Variants in POLR2B observed in about 807,000 individuals in gnomAD.
POLR2B encodes RNA polymerase II subunit B, also known as DNA-directed RNA polymerase II subunit RPB2.
A neutral mutation model predicts 144.6 loss-of-function variants in POLR2B; 57 were observed. That is an observed-to-expected ratio of 0.39 (90% CI 0.32 to 0.49). POLR2B has a LOEUF of 0.49. Ranked by LOEUF, POLR2B falls within the 20% of genes least tolerant of loss-of-function variation. The probability of loss-of-function intolerance (pLI) is 0.83; values close to 1 mark genes in which losing one functional copy is unlikely to be tolerated. For missense variants in POLR2B, 595 were observed against 1,467.4 expected, an observed-to-expected ratio of 0.41 and a Z score of 9.71; for synonymous variants, 442 against 469.8, an observed-to-expected ratio of 0.94 and a Z score of 0.77.
chr4:56,999,478 G>A, intron 6 of POLR2B, 139 bp from the exon 7 acceptor site: 2 of 485,380 alleles, frequency 4.1e-6, no homozygotes, highest in Non-Finnish European at 3.5e-6. Flanking sequence ...AGTCATAGGA[G>A]GTTCCTCACA....
At chr4:57,020,796 A>G (rs549065418) in intron 16 of POLR2B, 103 bp from the exon 17 acceptor site, 2 of 766,936 alleles carry the variant, frequency 2.6e-6, no homozygotes, top group East Asian at 5.0e-5. Flanking sequence ...CAAACACCCA[A>G]GCATTTATGG....
Position 57,020,919 on chromosome 4 carries a change from A to T in POLR2B, c.2344A>T (p.Ile782Phe). ...LPAGINSIVA[I>F]ASYTGYNQED... ...TGCAGGCATCAACTCAATTGTGGCC[A>T]TTGCATCATACACTGGATATAATCA... The change falls in exon 17 of 25, where the codon ATT (isoleucine) becomes TTT (phenylalanine). Residue 782 changes from isoleucine to phenylalanine, a missense_variant. This residue lies in a region of POLR2B where 39 missense variants were observed against 174.3 expected (regional missense o/e 0.22). Coordinates refer to ENST00000314595, the MANE Select transcript of POLR2B (RefSeq NM_000938.3). 6.3e-7 allele frequency: 1 copy of T among 1,596,056 alleles called. No individual in the cohort carries two copies. The highest frequency in any genetic ancestry group is 8.6e-7 in the Non-Finnish European group (1 of 1,163,446).
chr4:56,979,028 G>A, intron 1 of POLR2B, 24 bp downstream of exon 1: 1 of 1,611,484 alleles, frequency 6.2e-7, no homozygotes. Context: ...CAAAACACAC[G>A]CCGTGGCGGT....
chr4:56,988,348 CA>C (rs1408173034), intron 2 of POLR2B, among the ~76,000 whole-genome samples: 2 of 151,932 alleles, frequency 1.3e-5, no homozygotes, highest in Non-Finnish European at 2.9e-5. Context: ...GGCCCCTGGC[CA>C]CAGGTAGAAT....
At chr4:56,984,371 CATAATAG>C (rs749677589) in intron 1 of POLR2B, among the ~76,000 whole-genome samples, 89 of 151,776 alleles carry the variant, frequency 5.9e-4, no homozygotes, top group Non-Finnish European at 1.1e-3. Flanking sequence ...TTTATTGACA[CATAATAG>C]ATACACATTT....
At chr4:57,027,275 C>T (rs1393944450) in intron 23 of POLR2B, among the ~76,000 whole-genome samples, 1 of 152,128 alleles carries the variant, frequency 6.6e-6, no homozygotes, top group Non-Finnish European at 1.5e-5. Flanking sequence ...TTCCAAATTG[C>T]TGGGATTACA....
At chr4:57,025,661 A>C in intron 23 of POLR2B, 124 bp downstream of exon 23, 2 of 617,256 alleles carry the variant, frequency 3.2e-6, no homozygotes, top group Non-Finnish European at 2.9e-6. Flanking sequence ...TTCAACAATT[A>C]TCGACTGATG....
intron 13 of POLR2B, among the ~76,000 whole-genome samples, chr4:57,012,561 T>C (rs868441321): frequency 1.3e-5 from 2 of 152,214 alleles, no homozygotes; most frequent in African/African-American, 4.8e-5. Flanking sequence ...TGAGAGAAAC[T>C]GAACACGCTT....
chr4:56,979,451 G>A (rs910284593), intron 1 of POLR2B, among the ~76,000 whole-genome samples: 3 of 149,012 alleles, frequency 2.0e-5, no homozygotes, highest in Non-Finnish European at 3.0e-5. Context: ...CGGGGGGTGG[G>A]GGTGGCGGGG....
chr4:56,981,339 C>T (rs927031327), intron 1 of POLR2B, among the ~76,000 whole-genome samples: 1 of 150,532 alleles, frequency 6.6e-6, no homozygotes, highest in African/African-American at 2.5e-5. Flanking sequence ...CGGTTTATTT[C>T]TAGTCATTTT....
At chr4:57,027,556 C>G (rs987845513) in intron 23 of POLR2B, among the ~76,000 whole-genome samples, 4 of 152,186 alleles carry the variant, frequency 2.6e-5, no homozygotes, top group African/African-American at 9.6e-5. Context: ...ATCCACCTGT[C>G]TGCCTTGGCC....
In POLR2B at chr4:57,024,879, T is replaced by C; in HGVS notation, c.2965-7T>C. On this transcript the variant is annotated splice_region_variant and splice_polypyrimidine_tract_variant and intron_variant, in intron 21 of 24. Transcript: ENST00000314595. ...AACATTTTAAAGAGTACTTTTTTTTTTAAAAGGTATCGGCTAACAAGGGTG... is the reference window on the plus strand; with the variant it reads ...AACATTTTAAAGAGTACTTTTTTTTCTAAAAGGTATCGGCTAACAAGGGTG... 1 of 1,470,058 alleles carries C rather than the reference T, an allele frequency of 6.8e-7. No individual in the cohort carries two copies. Among genetic ancestry groups the C allele is most frequent in the Non-Finnish European group, 9.4e-7 (1 of 1,060,718 alleles). 91.1% of individuals were successfully genotyped at this position (1,470,058 alleles called of 1,614,324 possible).
chr4:57,007,081 T>G lies in POLR2B; in HGVS notation c.1404+79T>G, dbSNP rs1240581539. ...AGTAGATTCTTTTGTTTGTTGAATA[T>G]AAATTATTTTGCTTTTCTTTCTTGG... On this transcript the variant is annotated intron_variant, in intron 10 of 24. Coordinates refer to ENST00000314595, the MANE Select transcript of POLR2B (RefSeq NM_000938.3). 6.5e-6 allele frequency: 7 copies of G among 1,074,152 alleles called. No homozygotes were observed. In the Admixed American group the frequency reaches 1.4e-4, roughly 22 times the overall value. 66.5% of individuals were successfully genotyped at this position (1,074,152 alleles called of 1,614,324 possible).
chr4:57,023,622 A>G lies in POLR2B; in HGVS notation c.2767-40A>G. ...TCATGTAGCTAGTTTTAGAAAGTAAACCAAATCCACTTAACTAACTTATTT... is the reference window on the plus strand; with the variant it reads ...TCATGTAGCTAGTTTTAGAAAGTAAGCCAAATCCACTTAACTAACTTATTT... On this transcript the variant is annotated intron_variant, in intron 19 of 24. Coordinates refer to ENST00000314595, the MANE Select transcript of POLR2B (RefSeq NM_000938.3). This position sits in a 1 kb window ranked among gnomAD's most constrained non-coding sequence, Gnocchi z 4.3. 1 of 1,611,530 alleles carries G rather than the reference A, an allele frequency of 6.2e-7. No individual in the cohort carries two copies. Among genetic ancestry groups the G allele is most frequent in the Non-Finnish European group, 8.5e-7 (1 of 1,178,164 alleles).
At chr4:57,016,420 C>T (rs1265807781) in intron 14 of POLR2B, among the ~76,000 whole-genome samples, 1 of 151,776 alleles carries the variant, frequency 6.6e-6, no homozygotes, top group Non-Finnish European at 1.5e-5. Context: ...TGGTGGAATG[C>T]ACCTGCAGTC....
chr4:57,028,099 G>T (rs1415126791), intron 23 of POLR2B, among the ~76,000 whole-genome samples: 1 of 151,890 alleles, frequency 6.6e-6, no homozygotes, highest in East Asian at 1.9e-4. Context: ...CTACAACATC[G>T]TCAACTTAAT....
At chr4:56,998,150 G>A (rs1265710856) in intron 6 of POLR2B, among the ~76,000 whole-genome samples, 1 of 152,120 alleles carries the variant, frequency 6.6e-6, no homozygotes, top group Non-Finnish European at 1.5e-5. Context: ...TGATTTAGGA[G>A]AGAACATAAT....
intron 2 of POLR2B, among the ~76,000 whole-genome samples, chr4:56,987,183 A>T (rs1409186333): frequency 6.6e-6 from 1 of 152,170 alleles, no homozygotes; most frequent in Non-Finnish European, 1.5e-5. Context: ...ATCAGGAGGC[A>T]TGTTTGTTTC....
chr4:57,016,512 C>A (rs987142942), intron 14 of POLR2B, among the ~76,000 whole-genome samples: 1 of 151,326 alleles, frequency 6.6e-6, no homozygotes, highest in South Asian at 2.1e-4. Context: ...CAGAGCAAGA[C>A]CCTGTCTCAA....
Sources: gnomAD v4.1 joint callset for allele counts (sites outside exome capture counted in the v4.1 genomes callset) on GRCh38, gnomAD v4.1.1 for gene constraint, gnomAD v4.1.1 regional missense constraint, Gnocchi (gnomAD v3.1) non-coding constraint, MANE v1.5 for transcripts, NCBI Gene and HGNC (gene_info 2026-07-23, HGNC 2026-07-21) for gene names.